ZNF862: variants seen among roughly 807,000 people sequenced by gnomAD.
ZNF862 encodes the protein zinc finger protein 862.
Under a neutral mutation model 91.1 loss-of-function variants are expected in ZNF862, and 64 were observed. The observed-to-expected ratio is 0.70, with a 90% CI of 0.57 to 0.87. The LOEUF is 0.87. Ranked by LOEUF, ZNF862 falls within the 40% of genes least tolerant of loss-of-function variation. ZNF862 has a pLI of 0.00. For synonymous variants in ZNF862, 631 were observed against 618.1 expected (o/e 1.02, Z -0.31); for missense variants, 1,459 against 1,528.0 (o/e 0.95, Z 0.75).
At chr7:149,854,466 G>T (rs73727659) in intron 5 of ZNF862, among the ~76,000 whole-genome samples, 5,173 of 152,188 alleles carry the variant, frequency 0.034, 288 homozygotes, top group African/African-American at 0.12. Context: ...ATGATATCAG[G>T]GTTGAGTTTC....
intron 1 of ZNF862, among the ~76,000 whole-genome samples, chr7:149,842,939 C>T (rs561023484): frequency 3.9e-5 from 6 of 152,260 alleles, no homozygotes; most frequent in African/African-American, 1.2e-4. Flanking sequence ...GGAAGCCACT[C>T]GAGCAAACAG....
In ZNF862 at chr7:149,860,634, G is replaced by A; in HGVS notation, c.1474G>A (p.Glu492Lys). 1 of 1,614,026 alleles carries A rather than the reference G, an allele frequency of 6.2e-7. No homozygotes were observed. The highest frequency in any genetic ancestry group is 8.5e-7 in the Non-Finnish European group (1 of 1,179,892). Residue 492 changes from glutamate (E) to lysine (K), a missense_variant, in exon 7 of 8, where the codon GAA (glutamate) becomes AAA (lysine). Glu to Lys is a moderately conservative substitution (Grantham distance 56, BLOSUM62 1). Transcript: ENST00000223210. ...CAAACTCTTCTGCTCAGCCTGCATAGAAAGACCTAATCTCCATGATAAATC... is the reference window on the plus strand; with the variant it reads ...CAAACTCTTCTGCTCAGCCTGCATAAAAAGACCTAATCTCCATGATAAATC... ...ETKLFCSACI[E>K]RPNLHDKSSR...
intron 1 of ZNF862, chr7:149,841,629 C>A: frequency 1.0e-6 from 1 of 985,440 alleles, no homozygotes; most frequent in Non-Finnish European, 1.2e-6. Flanking sequence ...CTGAAGAACA[C>A]TGCAGCCCGC....
At position 149,863,168 on chromosome 7, in the gene ZNF862, T is replaced by C. The variant is rs566758338; in HGVS notation, c.3334+674T>C. Among the ~76,000 whole-genome samples, 5 of 151,234 alleles carry C rather than the reference T, an allele frequency of 3.3e-5. No homozygotes were observed. In the East Asian group the frequency reaches 9.6e-4, roughly 29 times the overall value. Reference sequence around the variant, plus strand: ...AGCTGTATTAGAAGGGAGGGCAAGTTACTGAAAGCCACAGACAGGAAATTT... The same window carrying C: ...AGCTGTATTAGAAGGGAGGGCAAGTCACTGAAAGCCACAGACAGGAAATTT... On this transcript the variant is annotated intron_variant, in intron 7 of 7. Transcript: ENST00000223210.
At position 149,861,029 on chromosome 7, in the gene ZNF862, T is replaced by C; in HGVS notation, c.1869T>C (p.Cys623=). 6.2e-7 allele frequency: 1 copy of C among 1,613,028 alleles called. No homozygotes were observed. The highest frequency in any genetic ancestry group is 8.5e-7 in the Non-Finnish European group (1 of 1,179,742). ...EILEDVRNSP[C]VSVLLDSSTD... ...TGGAGGACGTGCGGAACTCGCCCTG[T>C]GTGAGCGTGCTGCTGGACAGCTCCA... The change falls in exon 7 of 8, where the codon TGT becomes TGC. Residue 623 remains cysteine, a synonymous_variant. Transcript: ENST00000223210. This position sits in a 1 kb window ranked among gnomAD's most constrained non-coding sequence, Gnocchi z 6.7.
chr7:149,846,141 T>TC lies in ZNF862; in HGVS notation c.137-10_137-9insC. 6.2e-7 allele frequency: 1 copy of TC among 1,603,892 alleles called. No individual in the cohort carries two copies. Among genetic ancestry groups the TC allele is most frequent in the Non-Finnish European group, 8.5e-7 (1 of 1,173,570 alleles). On this transcript the variant is annotated splice_polypyrimidine_tract_variant and intron_variant, in intron 2 of 7. Transcript: ENST00000223210. ...CTCTCTCTCGCTCTCTTTTTTTTTT[T>TC]TGGACTCAGGACCAACTGTTGCCAA...
chr7:149,864,196 C>G lies in ZNF862; in HGVS notation c.3422C>G (p.Ala1141Gly). 1 of 1,596,930 alleles carries G rather than the reference C, an allele frequency of 6.3e-7. No homozygotes were observed. ...CCACCCATCCTGCCCTCCAGGGAAGCAGCGGAGGTTCTGAAGGACTGCATC... is the reference window on the plus strand; with the variant it reads ...CCACCCATCCTGCCCTCCAGGGAAGGAGCGGAGGTTCTGAAGGACTGCATC... The part of the protein sequence containing the change: ...QKPPILPSRE[A>G]AEVLKDCIME... The change falls in exon 8 of 8, where the codon GCA becomes GGA. Residue 1141 changes from alanine to glycine, a missense_variant. Ala to Gly is a moderately conservative substitution (Grantham distance 60). Coordinates refer to ENST00000223210, the MANE Select transcript of ZNF862 (RefSeq NM_001099220.3).
rs201261199 is a variant in ZNF862, at chr7:149,847,936, C to T, written c.443C>T (p.Pro148Leu). The change falls in exon 4 of 8, where the codon CCG becomes CTG. Residue 148 changes from proline (P) to leucine (L), a missense_variant. Physicochemically the swap from Pro to Leu is moderately conservative, Grantham distance 98 (BLOSUM62 -3). Coordinates refer to ENST00000223210, the MANE Select transcript of ZNF862 (RefSeq NM_001099220.3). The part of the protein sequence containing the change: ...SIQKSWFVQF[P>L]WLIMNEEQTA... Reference sequence around the variant, plus strand: ...CAGAAGTCGTGGTTTGTGCAGTTTCCGTGGCTGATCATGAATGAGGAGCAG... The same window carrying T: ...CAGAAGTCGTGGTTTGTGCAGTTTCTGTGGCTGATCATGAATGAGGAGCAG... The T allele has an allele frequency of 4.1e-4, 661 of 1,606,664 alleles. 1 individual carries two copies. The highest frequency in any genetic ancestry group is 4.5e-4 in the Non-Finnish European group (531 of 1,176,318).
At chr7:149,844,068 G>A (rs1218269018) in intron 1 of ZNF862, among the ~76,000 whole-genome samples, 1 of 152,080 alleles carries the variant, frequency 6.6e-6, no homozygotes, top group Admixed American at 6.6e-5. Flanking sequence ...AAATGGGCTT[G>A]TTTAATCTGC....
At chr7:149,840,701 T>TA (rs1382075996) in intron 1 of ZNF862, among the ~76,000 whole-genome samples, 2 of 152,120 alleles carry the variant, frequency 1.3e-5, no homozygotes, top group East Asian at 3.8e-4. Flanking sequence ...CGCAAATACT[T>TA]ACCATGTGTT....
chr7:149,841,242 T>C (rs1801692928), intron 1 of ZNF862: 7 of 985,416 alleles, frequency 7.1e-6, no homozygotes, highest in South Asian at 4.7e-5. Flanking sequence ...CCTCGTGAGA[T>C]AGTGGTTTGG....
intron 4 of ZNF862, among the ~76,000 whole-genome samples, chr7:149,849,455 G>T (rs1801987990): frequency 1.3e-5 from 2 of 152,166 alleles, no homozygotes; most frequent in Admixed American, 1.3e-4. Flanking sequence ...TACGTTCATT[G>T]GAAGCTTCCC....
At position 149,859,468 on chromosome 7, in the gene ZNF862, G is replaced by T; in HGVS notation, c.1164G>T (p.Arg388Ser). ...ACTTGATCTCCAAACTGGAGCGGAG[G>T]GCTGCACCCTGGATCAAGGACCCAA... ...KPDLISKLER[R>S]AAPWIKDPNG... Residue 388 changes from arginine (R) to serine (S), a missense_variant, in exon 6 of 8, where the codon AGG (arginine) becomes AGT (serine). Transcript: ENST00000223210. 1 of 1,589,298 alleles carries T rather than the reference G, an allele frequency of 6.3e-7. No individual in the cohort carries two copies. The highest frequency in any genetic ancestry group is 8.6e-7 in the Non-Finnish European group (1 of 1,167,224).
intron 1 of ZNF862, 53 bp from the exon 2 acceptor site, chr7:149,844,572 A>C: frequency 7.3e-7 from 1 of 1,376,622 alleles, no homozygotes; most frequent in Non-Finnish European, 1.0e-6. Flanking sequence ...ACACTTTTGG[A>C]AGATAAATCT....
At chr7:149,845,158 G>C (rs886065126) in intron 2 of ZNF862, 5 of 170,006 alleles carry the variant, frequency 2.9e-5, no homozygotes, top group Non-Finnish European at 5.0e-5. Flanking sequence ...CTGGATACTT[G>C]AATGCCCTTG....
chr7:149,862,240 C>T lies in ZNF862; in HGVS notation c.3080C>T (p.Ala1027Val), dbSNP rs1283860107. Reference sequence around the variant, plus strand: ...TTCCCCCTGCTAAGCAAGCTCATGGCCGTGGTGGTCTGTGTGCCCATCTCC... The same window carrying T: ...TTCCCCCTGCTAAGCAAGCTCATGGTCGTGGTGGTCTGTGTGCCCATCTCC... ...CRFPLLSKLMAVVVCVPISTS... is the reference protein window; with the variant it reads ...CRFPLLSKLMVVVVCVPISTS... Residue 1027 changes from alanine (A) to valine (V), a missense_variant, in exon 7 of 8, where the codon GCC (alanine) becomes GTC (valine). By Grantham distance (64) the Ala-to-Val change is moderately conservative (BLOSUM62 0). Coordinates refer to ENST00000223210, the MANE Select transcript of ZNF862 (RefSeq NM_001099220.3). The T allele has an allele frequency of 6.2e-7, 1 of 1,613,796 alleles. No individual in the cohort carries two copies. Among genetic ancestry groups the T allele is most frequent in the African/African-American group, 1.3e-5 (1 of 75,046 alleles).
chr7:149,838,407 C>G lies in ZNF862; in HGVS notation c.-205C>G. 5.0e-6 allele frequency: 2 copies of G among 398,124 alleles called. No individual in the cohort carries two copies. The highest frequency in any genetic ancestry group is 8.8e-6 in the Non-Finnish European group (2 of 226,734). 24.7% of individuals were successfully genotyped at this position (398,124 alleles called of 1,614,324 possible). ...GTAAAGCTGTTCGCTCGGTGCGACG[C>G]AAGTCTCAGCTCAGCGCGCTTATCC... On this transcript the variant is annotated 5_prime_UTR_variant, in exon 1 of 8. Coordinates refer to ENST00000223210, the MANE Select transcript of ZNF862 (RefSeq NM_001099220.3).
At chr7:149,845,586 G>A (rs76163694) in intron 2 of ZNF862, among the ~76,000 whole-genome samples, 3,664 of 152,268 alleles carry the variant, frequency 0.024, 148 homozygotes, top group African/African-American at 0.084. Context: ...CTCACTGCTT[G>A]GAGTTTTGTT....
chr7:149,848,554 G>A, intron 4 of ZNF862, 122 bp downstream of exon 4: 3 of 790,108 alleles, frequency 3.8e-6, no homozygotes, highest in Non-Finnish European at 3.8e-6. Context: ...ACATCATAAT[G>A]TTGGCATATA....
Sources: allele counts gnomAD v4.1 joint callset (sites outside exome capture counted in the v4.1 genomes callset), GRCh38; gene constraint gnomAD v4.1.1; non-coding constraint Gnocchi (gnomAD v3.1); transcripts MANE v1.5; gene names NCBI Gene and HGNC (gene_info 2026-07-23, HGNC 2026-07-21).